IL12RB1: variants seen among roughly 807,000 people sequenced by gnomAD.
IL12RB1 encodes the protein interleukin-12 receptor subunit beta-1.
A neutral mutation model predicts 94.4 loss-of-function variants in IL12RB1; 64 were observed. The ratio of observed to expected loss-of-function variants is 0.68; its 90% CI spans 0.55 to 0.83. The LOEUF (loss-of-function observed/expected upper bound fraction) is 0.83. Ranked by LOEUF, IL12RB1 falls within the 40% of genes least tolerant of loss-of-function variation. IL12RB1 has a pLI of 0.00. For synonymous variants in IL12RB1, 362 were observed against 355.5 expected, an observed-to-expected ratio of 1.02 and a Z score of -0.21; for missense variants, 814 against 855.6, an observed-to-expected ratio of 0.95 and a Z score of 0.61.
Position 18,072,189 on chromosome 19 carries a change from T to C in IL12RB1, c.944A>G (p.Asn315Ser). 6.2e-7 allele frequency: 1 copy of C among 1,614,154 alleles called. No individual in the cohort carries two copies. The highest frequency in any genetic ancestry group is 1.1e-5 in the South Asian group (1 of 91,076). The change falls in exon 9 of 17, where the codon AAC becomes AGC. Residue 315 changes from asparagine (N) to serine (S), a missense_variant. Transcript: ENST00000593993. ...KMPYLSGAAY[N>S]VAVISSNQFG... ...TTGGTTCGAGGAGATGACAGCCACGTTGTAGGCAGCACCCGAGAGATAGGG... is the reference window on the plus strand; with the variant it reads ...TTGGTTCGAGGAGATGACAGCCACGCTGTAGGCAGCACCCGAGAGATAGGG...
intron 14 of IL12RB1, 78 bp from the exon 15 acceptor site, chr19:18,061,275 G>T (rs1360361144): frequency 1.4e-6 from 1 of 722,116 alleles, no homozygotes; most frequent in Non-Finnish European, 2.3e-6. Flanking sequence ...CTGTTGCCCA[G>T]GCTGGAGTGC....
intron 1 of IL12RB1, among the ~76,000 whole-genome samples, chr19:18,093,361 C>CGT (rs67190458): frequency 0.021 from 3,125 of 146,932 alleles, 93 homozygotes; most frequent in African/African-American, 0.069. Context: ...TGTGTGTGTG[C>CGT]GTGTGTGTGT....
At position 18,080,812 on chromosome 19, in the gene IL12RB1, G is replaced by T. The variant is rs754089865; in HGVS notation, c.409+20C>A. On this transcript the variant is annotated intron_variant, in intron 4 of 16. Transcript: ENST00000593993. The stretch of plus-strand genomic sequence containing the variant: ...GCCTCTCTGGGTAAAAAACGGACGG[G>T]GGGAGAACAAGGTGCTAACCTGAGT... 1.3e-6 allele frequency: 2 copies of T among 1,562,014 alleles called. No individual in the cohort carries two copies. The highest frequency in any genetic ancestry group is 2.2e-5 in the East Asian group (1 of 44,652).
chr19:18,097,871 G>C (rs895005459), intron 1 of IL12RB1: 3 of 1,225,452 alleles, frequency 2.4e-6, no homozygotes, highest in Non-Finnish European at 3.0e-6. Flanking sequence ...CAGAGGGCGC[G>C]GCCAAGTGGA....
chr19:18,085,224 G>A (rs2036245799), intron 1 of IL12RB1, among the ~76,000 whole-genome samples: 1 of 152,154 alleles, frequency 6.6e-6, no homozygotes, highest in Non-Finnish European at 1.5e-5. Flanking sequence ...CCTTGGGGGA[G>A]AAGGCGGCAC....
chr19:18,089,732 C>G (rs1599589774), upstream of IL12RB1, among the ~76,000 whole-genome samples: 3 of 152,118 alleles, frequency 2.0e-5, no homozygotes, highest in East Asian at 5.8e-4. Context: ...GAGGGTCTCT[C>G]CTGGGGATGA....
intron 1 of IL12RB1, among the ~76,000 whole-genome samples, chr19:18,086,065 C>T (rs1396750238): frequency 1.3e-5 from 2 of 151,708 alleles, no homozygotes; most frequent in African/African-American, 2.4e-5. Context: ...AAAGTATACA[C>T]CAAAAAAATT....
At chr19:18,082,802 C>T (rs974585744) in intron 2 of IL12RB1, among the ~76,000 whole-genome samples, 3 of 152,130 alleles carry the variant, frequency 2.0e-5, no homozygotes, top group Non-Finnish European at 4.4e-5. Context: ...TATGGCCGGG[C>T]ACGGTGGCTC....
Position 18,062,125 on chromosome 19 carries a change from C to T in IL12RB1, c.1715+56G>A, listed in dbSNP as rs1014922830. ...CTGCGGGCTAAGCTCCACTTTAGGGCTCCCCTGCCCAGCATCATTACCATC... is the reference window on the plus strand; with the variant it reads ...CTGCGGGCTAAGCTCCACTTTAGGGTTCCCCTGCCCAGCATCATTACCATC... On this transcript the variant is annotated intron_variant, in intron 14 of 16. Coordinates refer to ENST00000593993, the MANE Select transcript of IL12RB1 (RefSeq NM_005535.3). 7.3e-5 allele frequency: 88 copies of T among 1,208,992 alleles called. 1 individual carries two copies. Among genetic ancestry groups the T allele is most frequent in the Middle Eastern group, 5.7e-4 (3 of 5,308 alleles). 74.9% of individuals were successfully genotyped at this position (1,208,992 alleles called of 1,614,324 possible).
rs758202018 is a variant in IL12RB1, at chr19:18,062,199, C to G, written c.1697G>C (p.Gly566Ala). The change falls in exon 14 of 17, where the codon GGC becomes GCC. Residue 566 changes from glycine (G) to alanine (A), a missense_variant. Gly to Ala is a moderately conservative substitution (Grantham distance 60). Coordinates refer to ENST00000593993, the MANE Select transcript of IL12RB1 (RefSeq NM_005535.3). ...FLSILLVGVL[G>A]YLGLNRAARH... ...CAGTTACCTGTTCAGGCCAAGGTAG[C>G]CAAGGACGCCCACGAGAAGGATGCT... 15 of 1,612,298 alleles carry G rather than the reference C, an allele frequency of 9.3e-6. No individual in the cohort carries two copies. In the South Asian group the frequency reaches 1.6e-4, roughly 18 times the overall value.
intron 6 of IL12RB1, 144 bp from the exon 7 acceptor site, chr19:18,076,012 C>A (rs2035448668): frequency 2.5e-6 from 2 of 810,464 alleles, no homozygotes; most frequent in Admixed American, 1.9e-5. Context: ...GCAGGCCAGG[C>A]CCTGTCCTCT....
chr19:18,096,396 A>G (rs74558871), intron 1 of IL12RB1, among the ~76,000 whole-genome samples: 6,342 of 123,994 alleles, frequency 0.051, 276 homozygotes, highest in African/African-American at 0.14. Flanking sequence ...AAAGGCAATC[A>G]TCCTCAAAAA....
chr19:18,081,756 G>A (rs892761364), intron 3 of IL12RB1, among the ~76,000 whole-genome samples: 2 of 151,958 alleles, frequency 1.3e-5, no homozygotes, highest in Non-Finnish European at 1.5e-5. Context: ...GGAGGCAGAG[G>A]TTGCAGTGAG....
upstream of IL12RB1, among the ~76,000 whole-genome samples, chr19:18,089,353 C>CG: frequency 6.6e-6 from 1 of 152,108 alleles, no homozygotes; most frequent in Admixed American, 6.5e-5. Flanking sequence ...GGCCCGGGCG[C>CG]GGTGGCTCAC....
At chr19:18,084,376 G>A (rs1343396034) in intron 1 of IL12RB1, among the ~76,000 whole-genome samples, 3 of 117,496 alleles carry the variant, frequency 2.6e-5, no homozygotes, top group East Asian at 2.9e-4. Flanking sequence ...CCGTCCATTC[G>A]TCCATTCATC....
At chr19:18,062,103 C>A (rs1378321333) in intron 14 of IL12RB1, 78 bp downstream of exon 14, 2 of 955,214 alleles carry the variant, frequency 2.1e-6, no homozygotes, top group Admixed American at 3.8e-5. Context: ...ACCCAATCTG[C>A]GGGCTAAGCT....
chr19:18,075,657 G>T, intron 7 of IL12RB1, 92 bp downstream of exon 7: 1 of 1,164,192 alleles, frequency 8.6e-7, no homozygotes, highest in Non-Finnish European at 1.3e-6. Flanking sequence ...TCAGCCTTCT[G>T]AGCAGCTGGA....
In IL12RB1 at chr19:18,068,486, C is replaced by T. The variant is rs758241253; in HGVS notation, c.1230G>A (p.Gln410=). 3 of 1,612,370 alleles carry T rather than the reference C, an allele frequency of 1.9e-6. No individual in the cohort carries two copies. The highest frequency in any genetic ancestry group is 2.5e-6 in the Non-Finnish European group (3 of 1,178,574). ...SWSRESGAMG[Q]EKCYYITIFA... ...AGATGGTAATGTAGTAACACTTTTC[C>T]TGCCCCATTGCCCCAGACTCTCGAC... The change falls in exon 11 of 17, where the codon CAG becomes CAA. Residue 410 remains glutamine (Q), a synonymous_variant. Coordinates refer to ENST00000593993, the MANE Select transcript of IL12RB1 (RefSeq NM_005535.3).
In IL12RB1 at chr19:18,069,717, G is replaced by A; in HGVS notation, c.1022-4C>T. On this transcript the variant is annotated splice_polypyrimidine_tract_variant and splice_region_variant and intron_variant, in intron 9 of 16. Transcript: ENST00000593993. ...CTGATATTCAGAGCCACTGGTTCTG[G>A]AAGGAGAGGGGAGAGACGCATCGAG... is the stretch of plus-strand genomic sequence containing the variant. The A allele has an allele frequency of 6.2e-7, 1 of 1,604,050 alleles. No homozygotes were observed. Among genetic ancestry groups the A allele is most frequent in the South Asian group, 1.1e-5 (1 of 90,910 alleles).
Sources: gnomAD v4.1 joint callset for allele counts (sites outside exome capture counted in the v4.1 genomes callset) on GRCh38, gnomAD v4.1.1 for gene constraint, MANE v1.5 for transcripts, NCBI Gene and HGNC (gene_info 2026-07-23, HGNC 2026-07-21) for gene names.